The following PLCXD3 variants were observed in gnomAD, a reference collection of about 807,000 sequenced individuals.
PLCXD3 encodes phosphatidylinositol specific phospholipase C X domain containing 3.
Under a neutral mutation model 25.5 loss-of-function variants are expected in PLCXD3, and 19 were observed. The observed-to-expected ratio is 0.75, with a 90% confidence interval of 0.52 to 1.09. The LOEUF (loss-of-function observed/expected upper bound fraction) is 1.09. Among genes scored for constraint, PLCXD3 ranks in the 50% least tolerant of loss-of-function variants. The pLI, the probability that PLCXD3 is intolerant of heterozygous loss-of-function variation, is 0.00. For missense variants in PLCXD3, 411 were observed against 388.1 expected, an observed-to-expected ratio of 1.06 and a Z score of -0.50; for synonymous variants, 174 against 137.6, an observed-to-expected ratio of 1.26 and a Z score of -1.85.
At chr5:41,336,880 G>T (rs549467716) in intron 2 of PLCXD3, among the ~76,000 whole-genome samples, 1 of 152,166 alleles carries the variant, frequency 6.6e-6, no homozygotes, top group African/African-American at 2.4e-5. Context: ...GATCCCAAGA[G>T]AATTCGAGAG....
intron 1 of PLCXD3, among the ~76,000 whole-genome samples, chr5:41,504,486 G>A (rs1208486004): frequency 6.6e-6 from 1 of 152,144 alleles, no homozygotes; most frequent in Non-Finnish European, 1.5e-5. Flanking sequence ...AGCACTCAGG[G>A]CTTCAGCAGT....
chr5:41,493,006 C>G (rs1003499427), intron 1 of PLCXD3, among the ~76,000 whole-genome samples: 2 of 152,254 alleles, frequency 1.3e-5, no homozygotes, highest in Non-Finnish European at 2.9e-5. Context: ...GAGAGGCGCT[C>G]TGCTTTTTAG....
At chr5:41,455,320 C>A (rs1440431035) in intron 1 of PLCXD3, among the ~76,000 whole-genome samples, 1 of 151,878 alleles carries the variant, frequency 6.6e-6, no homozygotes, top group African/African-American at 2.4e-5. Flanking sequence ...TAATTGAGGA[C>A]TTTCATTTAT....
At chr5:41,343,568 G>A (rs1033799446) in intron 2 of PLCXD3, among the ~76,000 whole-genome samples, 1 of 152,042 alleles carries the variant, frequency 6.6e-6, no homozygotes, top group African/African-American at 2.4e-5. Flanking sequence ...GGTTTCACAG[G>A]TACTACTACT....
intron 2 of PLCXD3, among the ~76,000 whole-genome samples, chr5:41,316,145 G>T (rs544212053): frequency 1.3e-5 from 2 of 152,196 alleles, no homozygotes; most frequent in East Asian, 1.9e-4. Flanking sequence ...TGAGGACTTT[G>T]TCTTGCCTCT....
chr5:41,401,596 C>G (rs1251292831), intron 1 of PLCXD3, among the ~76,000 whole-genome samples: 1 of 151,982 alleles, frequency 6.6e-6, no homozygotes, highest in Non-Finnish European at 1.5e-5. Context: ...TGATAGGCAG[C>G]CTTTCAGATG....
At chr5:41,449,532 G>A (rs988235381) in intron 1 of PLCXD3, among the ~76,000 whole-genome samples, 1 of 152,068 alleles carries the variant, frequency 6.6e-6, no homozygotes, top group Non-Finnish European at 1.5e-5. Flanking sequence ...TAAGATTTTA[G>A]TGCAAGTAGT....
At chr5:41,470,988 A>G (rs1748143544) in intron 1 of PLCXD3, among the ~76,000 whole-genome samples, 1 of 152,222 alleles carries the variant, frequency 6.6e-6, no homozygotes, top group South Asian at 2.1e-4. Flanking sequence ...AACTGGGGAA[A>G]AGAGACCTCA....
At chr5:41,489,422 TG>T (rs1359938160) in intron 1 of PLCXD3, among the ~76,000 whole-genome samples, 4 of 152,124 alleles carry the variant, frequency 2.6e-5, no homozygotes, top group African/African-American at 9.7e-5. Context: ...GGCTCTTTTT[TG>T]GTTCCATATG....
At chr5:41,323,452 C>T (rs1743535024) in intron 2 of PLCXD3, among the ~76,000 whole-genome samples, 3 of 152,092 alleles carry the variant, frequency 2.0e-5, no homozygotes, top group South Asian at 2.1e-4. Context: ...CATTGCATGC[C>T]TTTATCAATA....
chr5:41,456,664 T>C (rs1747760718), intron 1 of PLCXD3: 1 of 308,256 alleles, frequency 3.2e-6, no homozygotes, highest in Non-Finnish European at 4.7e-6. Flanking sequence ...GGAAGATGAT[T>C]AGGTCCTGAA....
At chr5:41,380,396 A>G (rs1369437776) in intron 2 of PLCXD3, among the ~76,000 whole-genome samples, 1 of 151,984 alleles carries the variant, frequency 6.6e-6, no homozygotes, top group Non-Finnish European at 1.5e-5. Flanking sequence ...AAACAGTTCT[A>G]AGCACCTATT....
intron 1 of PLCXD3, among the ~76,000 whole-genome samples, chr5:41,509,908 C>G (rs59447468): frequency 3.3e-5 from 5 of 152,192 alleles, no homozygotes; most frequent in Non-Finnish European, 7.3e-5. Context: ...CTTCGGGAAG[C>G]GCTTTGTCTT....
chr5:41,386,968 A>AC (rs1554046784), intron 1 of PLCXD3, among the ~76,000 whole-genome samples: 62,779 of 151,928 alleles, frequency 0.41, 16,035 homozygotes, highest in African/African-American at 0.71. Flanking sequence ...TAAAATCTTA[A>AC]CTTTTTGTTA....
intron 1 of PLCXD3, among the ~76,000 whole-genome samples, chr5:41,397,362 GC>G (rs1447760257): frequency 6.6e-6 from 1 of 152,206 alleles, no homozygotes; most frequent in Non-Finnish European, 1.5e-5. Flanking sequence ...GAGGGTGCAA[GC>G]CCCAAGCCTT....
intron 1 of PLCXD3, among the ~76,000 whole-genome samples, chr5:41,412,621 A>G (rs2150503788): frequency 6.6e-6 from 1 of 152,290 alleles, no homozygotes; most frequent in Middle Eastern, 3.4e-3. Context: ...TACTGTTTTC[A>G]GTCTGCACCC....
Position 41,490,850 on chromosome 5 carries a change from A to G in PLCXD3, c.103+19574T>C, listed in dbSNP as rs1244309699. ...TTTCTTCTTTATTAGTCTTGCTAGA[A>G]GTCTATCAATTTTGTTGATCCTTTC... On this transcript the variant is annotated intron_variant, in intron 1 of 2. Coordinates refer to ENST00000377801, the MANE Select transcript of PLCXD3 (RefSeq NM_001005473.3). Among the ~76,000 whole-genome samples, 308 of 152,222 alleles carry G rather than the reference A, an allele frequency of 2.0e-3. 2 individuals carry two copies. Among genetic ancestry groups the G allele is most frequent in the African/African-American group, 7.2e-3 (300 of 41,538 alleles).
intron 1 of PLCXD3, among the ~76,000 whole-genome samples, chr5:41,483,604 G>A (rs552781275): frequency 6.6e-6 from 1 of 152,048 alleles, no homozygotes; most frequent in Non-Finnish European, 1.5e-5. Context: ...AGTTTTGCAA[G>A]ATGAAAAATG....
At chr5:41,422,563 G>C (rs911756794) in intron 1 of PLCXD3, among the ~76,000 whole-genome samples, 3 of 152,036 alleles carry the variant, frequency 2.0e-5, no homozygotes, top group African/African-American at 7.2e-5. Flanking sequence ...AATTTGTTAG[G>C]ATTGCATTAA....
Sources: allele counts gnomAD v4.1 joint callset (sites outside exome capture counted in the v4.1 genomes callset), GRCh38; gene constraint gnomAD v4.1.1; transcripts MANE v1.5; gene names NCBI Gene and HGNC (gene_info 2026-07-23, HGNC 2026-07-21).